The following ZBTB40 variants were observed in gnomAD, a reference collection of about 807,000 sequenced individuals.
The protein encoded by ZBTB40 is zinc finger and BTB domain containing 40.
A neutral mutation model predicts 117.5 loss-of-function variants in ZBTB40; 60 were observed. That is an observed-to-expected ratio of 0.51 (90% CI 0.41 to 0.63). ZBTB40 has a LOEUF of 0.63. Among genes scored for constraint, ZBTB40 ranks in the 30% least tolerant of loss-of-function variants. The pLI, the probability that ZBTB40 is intolerant of heterozygous loss-of-function variation, is 0.00. For missense variants in ZBTB40, 1,287 were observed against 1,498.5 expected (o/e 0.86, Z 2.33); for synonymous variants, 525 against 577.1 (o/e 0.91, Z 1.29).
chr1:22,443,246 G>A (rs7552466), intron 1 of ZBTB40, among the ~76,000 whole-genome samples: 148,921 of 152,322 alleles, frequency 0.98, 72,894 homozygotes, highest in East Asian at 1. Context: ...ACCATGGCCC[G>A]GGGTAGTCTC....
At chr1:22,505,969 TTGCTAGGTTTTCCAGTAGTG>T in intron 5 of ZBTB40, 60 bp from the exon 6 acceptor site, 3 of 1,476,726 alleles carry the variant, frequency 2.0e-6, no homozygotes, top group Non-Finnish European at 2.8e-6. Context: ...TGATGCTATC[TTGCTAGGTTTTCCAGTAGTG>T]TGTCAGATAA....
intron 12 of ZBTB40, among the ~76,000 whole-genome samples, chr1:22,514,540 C>T (rs565417876): frequency 6.6e-6 from 1 of 152,256 alleles, no homozygotes; most frequent in East Asian, 1.9e-4. Flanking sequence ...CTTACCCTTC[C>T]CTTTGCTGGG....
At position 22,513,429 on chromosome 1, in the gene ZBTB40, T is replaced by C. The variant is rs1477477803; in HGVS notation, c.2668+299T>C. Among the ~76,000 whole-genome samples, 1 of 151,950 alleles carries C rather than the reference T, an allele frequency of 6.6e-6. No individual in the cohort carries two copies. The highest frequency in any genetic ancestry group is 1.9e-4 in the East Asian group (1 of 5,172). ...CTTGTGAATATATACACCTACTGTG[T>C]ACCCACAAAAGTTAAGTATCAAAAA... On this transcript the variant is annotated intron_variant, in intron 12 of 17. Transcript: ENST00000375647. This position sits in a 1 kb window ranked among gnomAD's most constrained non-coding sequence, Gnocchi z 4.9.
rs530354671 is a variant in ZBTB40, at chr1:22,431,192, A to G, written c.-70+2178A>G. On this transcript the variant is annotated intron_variant, in intron 1 of 8. Transcript: ENST00000650433. ...CTTTCAGTAGATTGTAAAGTCTATC[A>G]GCAGATTAGTGTATGTATTTCTAAT... Among the ~76,000 whole-genome samples the G allele has an allele frequency of 8.5e-5, 11 of 129,842 alleles. No homozygotes were observed. In the South Asian group the frequency reaches 1.9e-3, roughly 22 times the overall value. 85.2% of individuals were successfully genotyped at this position (129,842 alleles called of 152,430 possible).
intron 3 of ZBTB40, among the ~76,000 whole-genome samples, chr1:22,494,266 G>T (rs1336258148): frequency 6.6e-6 from 1 of 152,208 alleles, no homozygotes; most frequent in Non-Finnish European, 1.5e-5. Flanking sequence ...CTTTCAGATA[G>T]GTACCACCAT....
At position 22,468,643 on chromosome 1, in the gene ZBTB40, C is replaced by CTTT. The variant is rs71020424; in HGVS notation, c.-70+16666_-70+16668dup. Among the ~76,000 whole-genome samples the CTTT allele has an allele frequency of 1.9e-3, 54 of 28,600 alleles. 2 individuals are homozygous for CTTT. Among genetic ancestry groups the CTTT allele is most frequent in the Admixed American group, 9.8e-3 (15 of 1,532 alleles). 18.8% of individuals were successfully genotyped at this position (28,600 alleles called of 152,430 possible). A position where few individuals can be genotyped will look rare whatever the true frequency, so the allele number is the denominator to read the frequency against. On this transcript the variant is annotated intron_variant, in intron 1 of 17. Coordinates refer to ENST00000375647, the MANE Select transcript of ZBTB40 (RefSeq NM_014870.4). ...GGCATGTGCCACCATGCCTGGCTGG[C>CTTT]TTTTTTTTTTTTTTTTTTTTTTTTT...
At chr1:22,483,535 C>T (rs1638383713) in intron 1 of ZBTB40, among the ~76,000 whole-genome samples, 1 of 152,178 alleles carries the variant, frequency 6.6e-6, no homozygotes, top group Non-Finnish European at 1.5e-5. Context: ...TCTCTAAAGA[C>T]ATACCATGTA....
intron 1 of ZBTB40, among the ~76,000 whole-genome samples, chr1:22,454,240 A>G (rs1640953230): frequency 6.6e-6 from 1 of 152,256 alleles, no homozygotes; most frequent in African/African-American, 2.4e-5. Flanking sequence ...GGCGTGAGCC[A>G]TCGCGCCCGG....
intron 1 of ZBTB40, among the ~76,000 whole-genome samples, chr1:22,429,928 G>A (rs1274779442): frequency 8.5e-5 from 13 of 152,206 alleles, no homozygotes; most frequent in African/African-American, 1.2e-4. Flanking sequence ...CCCGGGAGGC[G>A]GAGGGTTGCG....
chr1:22,468,706 T>C (rs1186423771), intron 1 of ZBTB40, among the ~76,000 whole-genome samples: 1 of 148,060 alleles, frequency 6.8e-6, no homozygotes, highest in Non-Finnish European at 1.5e-5. Context: ...ACTCTGTTGC[T>C]TAAGCTGATC....
At chr1:22,442,976 T>C (rs1390063726) in intron 1 of ZBTB40, among the ~76,000 whole-genome samples, 1 of 152,198 alleles carries the variant, frequency 6.6e-6, no homozygotes, top group African/African-American at 2.4e-5. Context: ...ATCTGAAGGC[T>C]CCCACACTTT....
At chr1:22,522,305 C>G in intron 15 of ZBTB40, 72 bp from the exon 16 acceptor site, 1 of 1,470,842 alleles carries the variant, frequency 6.8e-7, no homozygotes, top group Admixed American at 1.7e-5. Flanking sequence ...AACCCCAGCC[C>G]TGTTACTCTT....
intron 3 of ZBTB40, among the ~76,000 whole-genome samples, chr1:22,494,613 G>A (rs2124435925): frequency 6.6e-6 from 1 of 152,336 alleles, no homozygotes; most frequent in Middle Eastern, 3.4e-3. Context: ...AACTCTTAGT[G>A]TGTGATGGCA....
At chr1:22,480,455 G>A (rs542268242) in intron 1 of ZBTB40, among the ~76,000 whole-genome samples, 1 of 152,078 alleles carries the variant, frequency 6.6e-6, no homozygotes, top group South Asian at 2.1e-4. Flanking sequence ...TCACATCCAG[G>A]TCTTCCTCAT....
rs71020424 is a variant in ZBTB40 at position 22,468,643 on chromosome 1, CTTTTTTTTTTTTTT to C, written c.-70+16655_-70+16668del. ...GGCATGTGCCACCATGCCTGGCTGGCTTTTTTTTTTTTTTTTTTTTTTTTTTTTTAGTTTTTGTA... is the reference window on the plus strand; with the variant it reads ...GGCATGTGCCACCATGCCTGGCTGGCTTTTTTTTTTTTTTTAGTTTTTGTA... On this transcript the variant is annotated intron_variant, in intron 1 of 17. Transcript: ENST00000375647. 1.2e-3 allele frequency among the ~76,000 whole-genome samples: 34 copies of C among 28,608 alleles called. 3 individuals are homozygous for C. The East Asian group carries it at 0.039, about 33-fold the overall frequency. 18.8% of individuals were successfully genotyped at this position (28,608 alleles called of 152,430 possible). A position where few individuals can be genotyped will look rare whatever the true frequency, so the allele number is the denominator to read the frequency against.
intron 1 of ZBTB40, among the ~76,000 whole-genome samples, chr1:22,434,978 T>G (rs1404082786): frequency 1.3e-5 from 2 of 152,152 alleles, no homozygotes; most frequent in Non-Finnish European, 2.9e-5. Context: ...AAATGGTATG[T>G]GTTTCCGTTT....
At chr1:22,487,794 A>G (rs2124426746) in intron 1 of ZBTB40, among the ~76,000 whole-genome samples, 1 of 152,208 alleles carries the variant, frequency 6.6e-6, no homozygotes, top group East Asian at 1.9e-4. Context: ...AAGCCTTTCA[A>G]ATGCCTCAAT....
rs960180335 is a variant in ZBTB40 at position 22,512,037 on chromosome 1, C to G, written c.2364C>G (p.Ala788=). The change falls in exon 11 of 18, where the codon GCC becomes GCG. Residue 788 remains alanine (A), a synonymous_variant. Coordinates refer to ENST00000375647, the MANE Select transcript of ZBTB40 (RefSeq NM_014870.4). ...KKELDKHQLE[A]HGAGGEPDAP... The stretch of plus-strand genomic sequence containing the variant: ...AGCTGGACAAACATCAGCTGGAGGC[C>G]CATGGTGCAGGTGGAGAGCCCGATG... 1.2e-6 allele frequency: 2 copies of G among 1,614,052 alleles called. No individual in the cohort carries two copies. The highest frequency in any genetic ancestry group is 2.2e-5 in the South Asian group (2 of 91,070).
chr1:22,482,866 C>G (rs551293042), intron 1 of ZBTB40, among the ~76,000 whole-genome samples: 9 of 152,188 alleles, frequency 5.9e-5, no homozygotes, highest in Non-Finnish European at 1.2e-4. Context: ...ATCACGAGGT[C>G]AGGAGATCGA....
Sources: allele counts gnomAD v4.1 joint callset (sites outside exome capture counted in the v4.1 genomes callset), GRCh38; gene constraint gnomAD v4.1.1; non-coding constraint Gnocchi (gnomAD v3.1); transcripts MANE v1.5; gene names NCBI Gene and HGNC (gene_info 2026-07-23, HGNC 2026-07-21).